DNAH9: variants seen among roughly 807,000 people sequenced by gnomAD.
DNAH9 encodes dynein axonemal heavy chain 9.
Under a neutral mutation model 471.6 loss-of-function variants are expected in DNAH9, and 345 were observed. The ratio of observed to expected loss-of-function variants is 0.73; its 90% confidence interval spans 0.67 to 0.80. The LOEUF (loss-of-function observed/expected upper bound fraction) is 0.80, where lower values mean the gene tolerates loss of function less well. DNAH9 is among the 30% of genes least tolerant of loss of function. DNAH9 has a pLI of 0.00. For synonymous variants in DNAH9, 2,093 were observed against 2,123.6 expected (o/e 0.99, Z 0.40); for missense variants, 5,407 against 5,609.2 (o/e 0.96, Z 1.15).
At chr17:11,821,199 T>G (rs953777632) in intron 45 of DNAH9, among the ~76,000 whole-genome samples, 5 of 149,728 alleles carry the variant, frequency 3.3e-5, no homozygotes, top group African/African-American at 4.9e-5. Flanking sequence ...GGCAGGAGAA[T>G]CACTTGAACC....
intron 45 of DNAH9, among the ~76,000 whole-genome samples, chr17:11,812,054 T>TATATATATATATAC (rs1282451711): frequency 2.1e-5 from 1 of 47,364 alleles, no homozygotes; most frequent in East Asian, 3.4e-4. Context: ...TATATATATA[T>TATATATATATATAC]ACACATACAT....
rs143736769 is a variant in DNAH9 at position 11,609,325 on chromosome 17, G to A, written c.614+1000G>A. 1.1e-3 allele frequency among the ~76,000 whole-genome samples: 160 copies of A among 152,188 alleles called. 2 individuals are homozygous for A. In the East Asian group the frequency reaches 0.019, roughly 19 times the overall value. On this transcript the variant is annotated intron_variant, in intron 2 of 68. Coordinates refer to ENST00000262442, the MANE Select transcript of DNAH9 (RefSeq NM_001372.4). ...CCCAGTTAATTGGAAAACTTATTGC[G>A]GTTTAATAAAGATATCCAATCTTCA... is the stretch of plus-strand genomic sequence containing the variant.
At chr17:11,835,336 G>A (rs982616476) in intron 49 of DNAH9, among the ~76,000 whole-genome samples, 6 of 152,122 alleles carry the variant, frequency 3.9e-5, no homozygotes, top group South Asian at 2.1e-4. Context: ...AGCCCTTTAA[G>A]GTTTTTATGT....
intron 11 of DNAH9, 125 bp downstream of exon 11, chr17:11,644,824 C>A: frequency 1.5e-6 from 1 of 684,172 alleles, no homozygotes; most frequent in Non-Finnish European, 2.5e-6. Flanking sequence ...TATGTTATAA[C>A]CACGATATTT....
chr17:11,917,661 T>A (rs1053999269), intron 61 of DNAH9, among the ~76,000 whole-genome samples: 2 of 152,348 alleles, frequency 1.3e-5, no homozygotes, highest in Non-Finnish European at 2.9e-5. Flanking sequence ...CAATCACCCA[T>A]GATACCTGCC....
At chr17:11,905,627 A>G in intron 60 of DNAH9, 34 bp from the exon 61 acceptor site, 1 of 1,603,206 alleles carries the variant, frequency 6.2e-7, no homozygotes, top group African/African-American at 1.3e-5. Flanking sequence ...GCTGCTATAT[A>G]TGTATAAATC....
In DNAH9 at chr17:11,937,622, G is replaced by A. The variant is rs1306833426; in HGVS notation, c.12660+100G>A. On this transcript the variant is annotated intron_variant, in intron 66 of 68. Coordinates refer to ENST00000262442, the MANE Select transcript of DNAH9 (RefSeq NM_001372.4). The surrounding 1 kb of genome is among the most constrained non-coding windows in gnomAD (Gnocchi z 4.1). ...GGCCATTTTGGCAGTACACAGCATA[G>A]ACAACACACAAAGCACCAACCACCT... 2.5e-5 allele frequency: 33 copies of A among 1,339,044 alleles called. No homozygotes were observed. The highest frequency in any genetic ancestry group is 2.9e-5 in the African/African-American group (2 of 68,438). The allele number at this position is 1,339,044 out of a possible 1,614,324, so 82.9% of individuals were successfully genotyped here.
At position 11,854,410 on chromosome 17, in the gene DNAH9, C is replaced by A; in HGVS notation, c.9915C>A (p.Ala3305=). ...DLTAAQEKLA[A]IKAKIAHLNE... is the part of the protein sequence containing the mutation. ...CAGCTGCCCAGGAGAAGCTGGCTGC[C>A]ATCAAAGCCAAGATCGCTGTGAGTG... The change falls in exon 50 of 69, where the codon GCC becomes GCA. Residue 3305 remains alanine (A), a synonymous_variant. Coordinates refer to ENST00000262442, the MANE Select transcript of DNAH9 (RefSeq NM_001372.4). The A allele has an allele frequency of 6.2e-7, 1 of 1,612,656 alleles. No individual in the cohort carries two copies. Among genetic ancestry groups the A allele is most frequent in the Non-Finnish European group, 8.5e-7 (1 of 1,179,122 alleles).
chr17:11,884,024 G>A (rs1171151802), intron 56 of DNAH9, among the ~76,000 whole-genome samples: 1 of 152,110 alleles, frequency 6.6e-6, no homozygotes, highest in Admixed American at 6.5e-5. Context: ...CCTTTGTGGG[G>A]CCTGGTATTC....
chr17:11,793,450 T>C (rs1969130168), intron 41 of DNAH9, 53 bp from the exon 42 acceptor site: 1 of 1,548,436 alleles, frequency 6.5e-7, no homozygotes, highest in Non-Finnish European at 8.8e-7. Context: ...TCCTAGCTAT[T>C]GTACCTCTGG....
intron 33 of DNAH9, among the ~76,000 whole-genome samples, chr17:11,753,544 G>C (rs1206485242): frequency 6.6e-6 from 1 of 152,160 alleles, no homozygotes; most frequent in African/African-American, 2.4e-5. Context: ...GCAAGCGCCT[G>C]TAATCCCAGC....
At chr17:11,736,359 T>C (rs1363970376) in intron 28 of DNAH9, among the ~76,000 whole-genome samples, 2 of 152,212 alleles carry the variant, frequency 1.3e-5, no homozygotes, top group Admixed American at 1.3e-4. Flanking sequence ...CAGATCCCAA[T>C]GGGTGAGATG....
chr17:11,774,849 TA>T (rs568433554), intron 38 of DNAH9, among the ~76,000 whole-genome samples: 67 of 152,076 alleles, frequency 4.4e-4, no homozygotes, highest in African/African-American at 1.4e-3. Context: ...TTTTCTTTTC[TA>T]AAAAAAACTA....
At chr17:11,880,608 G>T (rs561054049) in intron 54 of DNAH9, among the ~76,000 whole-genome samples, 1 of 152,236 alleles carries the variant, frequency 6.6e-6, no homozygotes, top group South Asian at 2.1e-4. Context: ...GGCTCATGAT[G>T]AGGGCTTAGC....
At chr17:11,776,481 G>T (rs1968439159) in intron 38 of DNAH9, among the ~76,000 whole-genome samples, 1 of 152,074 alleles carries the variant, frequency 6.6e-6, no homozygotes, top group Non-Finnish European at 1.5e-5. Flanking sequence ...CACCCCAGCT[G>T]AAGACTGCCT....
chr17:11,830,335 T>C (rs568214187), intron 48 of DNAH9, among the ~76,000 whole-genome samples: 55 of 152,354 alleles, frequency 3.6e-4, no homozygotes, highest in African/African-American at 1.3e-3. Context: ...AGAGGGTTGT[T>C]GGATAGAAGA....
intron 2 of DNAH9, among the ~76,000 whole-genome samples, chr17:11,609,491 G>A (rs2072583287): frequency 6.6e-6 from 1 of 152,122 alleles, no homozygotes. Flanking sequence ...GATCATTTTG[G>A]GGGAATGGGT....
At chr17:11,921,962 T>C (rs1287669247) in intron 61 of DNAH9, among the ~76,000 whole-genome samples, 1 of 152,174 alleles carries the variant, frequency 6.6e-6, no homozygotes, top group Non-Finnish European at 1.5e-5. Flanking sequence ...TGAGCAGAAA[T>C]GTCACAGAAG....
intron 50 of DNAH9, among the ~76,000 whole-genome samples, chr17:11,857,307 G>GA (rs940385099): frequency 2.1e-4 from 32 of 150,908 alleles, no homozygotes; most frequent in Admixed American, 1.3e-3. Context: ...ATATTTTCTG[G>GA]AAAAAAAAAT....
Sources: allele counts gnomAD v4.1 joint callset (sites outside exome capture counted in the v4.1 genomes callset), GRCh38; gene constraint gnomAD v4.1.1; non-coding constraint Gnocchi (gnomAD v3.1); transcripts MANE v1.5; gene names NCBI Gene and HGNC (gene_info 2026-07-23, HGNC 2026-07-21).